The following ARHGAP15 variants were observed in gnomAD, a reference collection of about 807,000 sequenced individuals.
ARHGAP15 encodes Rho GTPase activating protein 15.
In ARHGAP15, 51 loss-of-function variants were observed where a neutral mutation model predicts 63.7. The ratio of observed to expected loss-of-function variants is 0.80; its 90% confidence interval spans 0.64 to 1.01. The LOEUF (loss-of-function observed/expected upper bound fraction) is 1.01. Among genes scored for constraint, ARHGAP15 ranks in the 50% least tolerant of loss-of-function variants. ARHGAP15 has a pLI of 0.00. For missense variants in ARHGAP15, 560 were observed against 564.6 expected (o/e 0.99, Z 0.08); for synonymous variants, 191 against 193.8 (o/e 0.99, Z 0.12).
In ARHGAP15 at chr2:143,266,042, T is replaced by TTC. The variant is rs397721310; in HGVS notation, c.474+15442_474+15443insTC. ...ACTCTAGGTGTTAAGTGATTTTTTTTCAGAGTTATTTTCGAAACTGTGTGT... is the reference window on the plus strand; with the variant it reads ...ACTCTAGGTGTTAAGTGATTTTTTTTTCCAGAGTTATTTTCGAAACTGTGTGT... On this transcript the variant is annotated intron_variant, in intron 6 of 13. Coordinates refer to ENST00000295095, the MANE Select transcript of ARHGAP15 (RefSeq NM_018460.4). 2.6e-5 allele frequency among the ~76,000 whole-genome samples: 4 copies of TTC among 152,152 alleles called. No individual in the cohort carries two copies. The South Asian group carries it at 8.3e-4, about 32-fold the overall frequency.
chr2:143,335,800 A>T (rs920105174), intron 6 of ARHGAP15, among the ~76,000 whole-genome samples: 4 of 152,110 alleles, frequency 2.6e-5, no homozygotes, highest in Admixed American at 2.6e-4. Flanking sequence ...GACTGGGAAA[A>T]GCCAATGTTC....
chr2:143,264,946 C>G (rs540347015), intron 6 of ARHGAP15, among the ~76,000 whole-genome samples: 3 of 151,930 alleles, frequency 2.0e-5, no homozygotes, highest in South Asian at 2.1e-4. Flanking sequence ...GGTCATGTAG[C>G]TTTTCTGTTA....
chr2:143,160,238 T>G (rs759157356), intron 2 of ARHGAP15, among the ~76,000 whole-genome samples: 1 of 151,946 alleles, frequency 6.6e-6, no homozygotes, highest in Non-Finnish European at 1.5e-5. Flanking sequence ...TAAATTCTAT[T>G]TTTCTGATTC....
chr2:143,725,448 G>T (rs1180010367), intron 13 of ARHGAP15, among the ~76,000 whole-genome samples: 1 of 152,218 alleles, frequency 6.6e-6, no homozygotes, highest in African/African-American at 2.4e-5. Flanking sequence ...AATTCATTAT[G>T]ATTTTAACAT....
chr2:143,553,621 G>A (rs1473806503), intron 10 of ARHGAP15, among the ~76,000 whole-genome samples: 3 of 152,292 alleles, frequency 2.0e-5, no homozygotes, highest in East Asian at 3.9e-4. Flanking sequence ...ACTTTAGGAT[G>A]AGGCTGCTTT....
intron 12 of ARHGAP15, among the ~76,000 whole-genome samples, chr2:143,672,028 C>T (rs1682553737): frequency 6.6e-6 from 1 of 152,108 alleles, no homozygotes; most frequent in Admixed American, 6.5e-5. Context: ...GTACTTGGTG[C>T]TATGAAATGC....
At chr2:143,355,399 A>G (rs17772356) in intron 6 of ARHGAP15, among the ~76,000 whole-genome samples, 22,281 of 152,158 alleles carry the variant, frequency 0.15, 1,944 homozygotes, top group African/African-American at 0.24. Context: ...CATGTTCTGA[A>G]GTTATACATT....
chr2:143,210,951 G>C (rs1692536730), intron 3 of ARHGAP15, among the ~76,000 whole-genome samples: 1 of 151,326 alleles, frequency 6.6e-6, no homozygotes, highest in Non-Finnish European at 1.5e-5. Context: ...ACATCATACT[G>C]AATCTATGTC....
At position 143,139,205 on chromosome 2, in the gene ARHGAP15, C is replaced by A. The variant is rs113943571; in HGVS notation, c.-15+9739C>A. 1.9e-3 allele frequency among the ~76,000 whole-genome samples: 288 copies of A among 152,232 alleles called. 2 individuals carry two copies. The highest frequency in any genetic ancestry group is 6.7e-3 in the African/African-American group (278 of 41,576). On this transcript the variant is annotated intron_variant, in intron 1 of 13. Transcript: ENST00000295095. ...GTCCCACATTAAATCCATGGCCTCT[C>A]CCAAGGGTTATTTTTGCCTTCCTTC...
intron 6 of ARHGAP15, among the ~76,000 whole-genome samples, chr2:143,278,987 G>C (rs1249711932): frequency 1.3e-5 from 2 of 151,000 alleles, no homozygotes; most frequent in African/African-American, 4.9e-5. Flanking sequence ...ACTTATTTAA[G>C]TACAAATGCT....
At chr2:143,477,240 A>G (rs1489496823) in intron 8 of ARHGAP15, among the ~76,000 whole-genome samples, 1 of 151,828 alleles carries the variant, frequency 6.6e-6, no homozygotes, top group Admixed American at 6.6e-5. Context: ...ACAGCAGCTA[A>G]GGGTCTAATC....
intron 10 of ARHGAP15, 61 bp downstream of exon 10, chr2:143,519,425 C>A: frequency 7.2e-7 from 1 of 1,385,512 alleles, no homozygotes. Context: ...AACCAATACT[C>A]AAGTTAGCAG....
At chr2:143,706,437 G>A (rs1311430407) in intron 13 of ARHGAP15, 1 of 152,122 alleles carries the variant, frequency 6.6e-6, no homozygotes, top group African/African-American at 2.4e-5. Context: ...GTCAGGGAAT[G>A]TAATGAAGTG....
At chr2:143,599,625 G>A (rs1295205596) in intron 11 of ARHGAP15, among the ~76,000 whole-genome samples, 1 of 151,822 alleles carries the variant, frequency 6.6e-6, no homozygotes, top group Non-Finnish European at 1.5e-5. Flanking sequence ...AAGAAACGAA[G>A]CCATAACTAC....
intron 6 of ARHGAP15, among the ~76,000 whole-genome samples, chr2:143,355,903 A>G (rs1558916456): frequency 6.6e-6 from 1 of 152,180 alleles, no homozygotes; most frequent in South Asian, 2.1e-4. Context: ...TGGGTCTCCA[A>G]CAATGCCATT....
intron 5 of ARHGAP15, among the ~76,000 whole-genome samples, chr2:143,232,161 A>G (rs1693471940): frequency 6.6e-6 from 1 of 152,208 alleles, no homozygotes; most frequent in Admixed American, 6.5e-5. Context: ...GAGAAGGAAG[A>G]ATGACCTATT....
At chr2:143,183,934 G>A (rs919747011) in intron 2 of ARHGAP15, among the ~76,000 whole-genome samples, 1 of 152,106 alleles carries the variant, frequency 6.6e-6, no homozygotes, top group Non-Finnish European at 1.5e-5. Flanking sequence ...TGCTGTGATT[G>A]CCCTTGCTCT....
At chr2:143,546,262 G>A (rs1210369148) in intron 10 of ARHGAP15, among the ~76,000 whole-genome samples, 4 of 151,996 alleles carry the variant, frequency 2.6e-5, no homozygotes, top group African/African-American at 9.7e-5. Flanking sequence ...ACGGGTGGAG[G>A]GATTGAAAAG....
intron 11 of ARHGAP15, among the ~76,000 whole-genome samples, chr2:143,581,555 T>C (rs1696905355): frequency 6.6e-6 from 1 of 152,210 alleles, no homozygotes; most frequent in African/African-American, 2.4e-5. Context: ...CCATAGCATT[T>C]AGTACTGTAT....
Sources: allele counts gnomAD v4.1 joint callset (sites outside exome capture counted in the v4.1 genomes callset), GRCh38; gene constraint gnomAD v4.1.1; transcripts MANE v1.5; gene names NCBI Gene and HGNC (gene_info 2026-07-23, HGNC 2026-07-21).